The following PCDH15 variants were observed in gnomAD, a reference collection of about 807,000 sequenced individuals.
The protein encoded by PCDH15 is protocadherin related 15.
A neutral mutation model predicts 178.5 loss-of-function variants in PCDH15; 129 were observed. The observed-to-expected ratio is 0.72, with a 90% confidence interval of 0.63 to 0.84. The LOEUF is 0.84. PCDH15 is among the 40% of genes least tolerant of loss of function. PCDH15 has a pLI of 0.00. For missense variants in PCDH15, 2,230 were observed against 2,099.9 expected (o/e 1.06, Z -1.21); for synonymous variants, 800 against 732.0 (o/e 1.09, Z -1.50).
At chr10:53,959,012 A>ATT (rs1299891958) in intron 23 of PCDH15, among the ~76,000 whole-genome samples, 1 of 146,524 alleles carries the variant, frequency 6.8e-6, no homozygotes, top group Non-Finnish European at 1.5e-5. Context: ...AAAGAACAGA[A>ATT]TTTTCTGTCG....
chr10:55,031,380 A>G (rs1232429410), intron 2 of PCDH15, among the ~76,000 whole-genome samples: 1 of 152,240 alleles, frequency 6.6e-6, no homozygotes, highest in Non-Finnish European at 1.5e-5. Context: ...TAAGACAATC[A>G]GTAATAAAAT....
intron 2 of PCDH15, among the ~76,000 whole-genome samples, chr10:55,007,381 A>T (rs1207283305): frequency 6.8e-6 from 1 of 147,062 alleles, no homozygotes; most frequent in African/African-American, 2.5e-5. Flanking sequence ...TGTGGCTGTT[A>T]TCATCTTAGT....
chr10:53,823,533 G>GGCAGAAAA (rs2076457516), intron 32 of PCDH15: 1 of 759,414 alleles, frequency 1.3e-6, no homozygotes, highest in Non-Finnish European at 2.4e-6. Context: ...AGAAAGGCAG[G>GGCAGAAAA]GCAGAAAAAT....
intron 18 of PCDH15, among the ~76,000 whole-genome samples, chr10:54,037,695 A>T (rs763780507): frequency 2.6e-5 from 4 of 151,978 alleles, no homozygotes; most frequent in Non-Finnish European, 5.9e-5. Flanking sequence ...GAGAACTCTC[A>T]ATATGTCTGA....
At chr10:54,354,131 A>C (rs1267352564) in intron 5 of PCDH15, among the ~76,000 whole-genome samples, 1 of 152,132 alleles carries the variant, frequency 6.6e-6, no homozygotes, top group Non-Finnish European at 1.5e-5. Flanking sequence ...GATTACAGGC[A>C]TGCGCCACCA....
chr10:54,867,465 T>G (rs7913159), intron 3 of PCDH15, among the ~76,000 whole-genome samples: 67,550 of 151,818 alleles, frequency 0.44, 15,413 homozygotes, highest in African/African-American at 0.5. Flanking sequence ...ATCTTGACAT[T>G]ATCAACATCA....
intron 2 of PCDH15, among the ~76,000 whole-genome samples, chr10:54,557,234 G>A (rs2087402967): frequency 6.6e-6 from 1 of 152,100 alleles, no homozygotes; most frequent in Non-Finnish European, 1.5e-5. Context: ...ATCACACAAG[G>A]AAGGTATTTT....
chr10:55,304,803 C>A (rs777849261), intron 1 of PCDH15, among the ~76,000 whole-genome samples: 3 of 152,082 alleles, frequency 2.0e-5, no homozygotes, highest in East Asian at 1.9e-4. Context: ...GCCAGAGTAC[C>A]AACCTGCTTG....
chr10:55,216,003 G>C (rs1174198024), intron 1 of PCDH15, among the ~76,000 whole-genome samples: 2 of 151,854 alleles, frequency 1.3e-5, no homozygotes, highest in African/African-American at 4.8e-5. Flanking sequence ...TGGTAGCTTT[G>C]ATTCCATTTG....
At chr10:55,272,771 A>G (rs931744398) in intron 1 of PCDH15, among the ~76,000 whole-genome samples, 3 of 152,078 alleles carry the variant, frequency 2.0e-5, no homozygotes, top group African/African-American at 4.8e-5. Flanking sequence ...TTAAAGAAAA[A>G]GGAAGTTTTA....
Position 54,456,528 on chromosome 10 carries a change from G to A in PCDH15, c.157+71284C>T, listed in dbSNP as rs191284390. On this transcript the variant is annotated intron_variant, in intron 3 of 37. Transcript: ENST00000644397. ...AACTAACTCACTTTTGATTTCACAC[G>A]TTTGTAGGCAGAAGAAACTTGCCTT... Among the ~76,000 whole-genome samples, 155 of 152,268 alleles carry A rather than the reference G, an allele frequency of 1.0e-3. 2 individuals carry two copies. The highest frequency in any genetic ancestry group is 2.4e-3 in the Admixed American group (36 of 15,278).
At chr10:54,669,009 T>C (rs2094614830) in intron 1 of PCDH15, among the ~76,000 whole-genome samples, 1 of 152,188 alleles carries the variant, frequency 6.6e-6, no homozygotes, top group African/African-American at 2.4e-5. Flanking sequence ...GTATGCTATC[T>C]ACCTGCTGGA....
intron 13 of PCDH15, among the ~76,000 whole-genome samples, chr10:54,166,042 A>G (rs996908033): frequency 1.3e-5 from 2 of 152,232 alleles, no homozygotes; most frequent in Non-Finnish European, 2.9e-5. Context: ...TTGACTTAGT[A>G]AAAGAAAAGC....
intron 2 of PCDH15, among the ~76,000 whole-genome samples, chr10:54,944,755 C>G (rs1162148736): frequency 6.6e-6 from 1 of 151,836 alleles, no homozygotes; most frequent in Admixed American, 6.6e-5. Flanking sequence ...ATATGTGAGA[C>G]TAAGGTGTGT....
At chr10:54,584,660 T>C (rs1247475094) in intron 2 of PCDH15, among the ~76,000 whole-genome samples, 1 of 152,146 alleles carries the variant, frequency 6.6e-6, no homozygotes. Flanking sequence ...CTAGTTCTTG[T>C]TTCCTATGAT....
chr10:54,472,557 A>T (rs371977249), intron 3 of PCDH15, among the ~76,000 whole-genome samples: 1 of 152,184 alleles, frequency 6.6e-6, no homozygotes, highest in Non-Finnish European at 1.5e-5. Flanking sequence ...ATTGTTATCT[A>T]CTATGTATCA....
At chr10:53,866,901 A>G (rs1473349823) in intron 26 of PCDH15, 44 bp from the exon 27 acceptor site, 1 of 1,362,572 alleles carries the variant, frequency 7.3e-7, no homozygotes, top group East Asian at 2.3e-5. Context: ...TAAGCAGGAA[A>G]AGATAACCCT....
At chr10:54,946,308 T>G (rs749779278) in intron 2 of PCDH15, among the ~76,000 whole-genome samples, 30 of 151,958 alleles carry the variant, frequency 2.0e-4, no homozygotes, top group Non-Finnish European at 4.1e-4. Flanking sequence ...ATTAACATTT[T>G]ATTATCTGCT....
At chr10:55,466,965 C>A (rs1472854841) in intron 2 of PCDH15, among the ~76,000 whole-genome samples, 1 of 152,166 alleles carries the variant, frequency 6.6e-6, no homozygotes, top group Non-Finnish European at 1.5e-5. Context: ...GCTCCCTGAT[C>A]TATCCACTGG....
Sources: allele counts gnomAD v4.1 joint callset (sites outside exome capture counted in the v4.1 genomes callset), GRCh38; gene constraint gnomAD v4.1.1; transcripts MANE v1.5; gene names NCBI Gene and HGNC (gene_info 2026-07-23, HGNC 2026-07-21).